The following EPHB2 variants were observed in gnomAD, a reference collection of about 807,000 sequenced individuals.
EPHB2 encodes the protein ephrin type-B receptor 2.
In EPHB2, 18 loss-of-function variants were observed where a neutral mutation model predicts 96.4. The observed-to-expected ratio is 0.19, with a 90% CI of 0.13 to 0.28. The LOEUF (loss-of-function observed/expected upper bound fraction) is 0.28, where lower values mean the gene tolerates loss of function less well. EPHB2 is among the 10% of genes least tolerant of loss of function. EPHB2 has a pLI of 1.00. For missense variants in EPHB2, 989 were observed against 1,355.4 expected (o/e 0.73, Z 4.25); for synonymous variants, 506 against 534.1 (o/e 0.95, Z 0.72).
intron 5 of EPHB2, among the ~76,000 whole-genome samples, chr1:22,868,476 C>T (rs898916355): frequency 6.6e-6 from 1 of 152,260 alleles, no homozygotes; most frequent in Admixed American, 6.5e-5. Context: ...TTTATTTTCT[C>T]ACTCACTAGT....
intron 3 of EPHB2, among the ~76,000 whole-genome samples, chr1:22,805,880 C>T (rs563754906): frequency 9.2e-5 from 14 of 152,248 alleles, no homozygotes; most frequent in African/African-American, 2.9e-4. Context: ...GGTGGGAGGC[C>T]GAGCCCATTT....
chr1:22,865,105 T>C lies in EPHB2; in HGVS notation c.1196T>C (p.Leu399Pro). The change falls in exon 5 of 16, where the codon CTG becomes CCG. Residue 399 changes from leucine to proline, a missense_variant. Transcript: ENST00000374630. ...TEPRIYISDL[L>P]AHTQYTFEIQ... is the part of the protein sequence containing the mutation. ...CCACGCATTTACATCAGTGACCTGC[T>C]GGCCCACACCCAGTACACCTTCGAG... is the stretch of plus-strand genomic sequence containing the variant. The C allele has an allele frequency of 1.2e-6, 2 of 1,614,244 alleles. No homozygotes were observed. The highest frequency in any genetic ancestry group is 4.5e-5 in the East Asian group (2 of 44,894).
At chr1:22,766,669 G>A (rs928703447) in intron 1 of EPHB2, among the ~76,000 whole-genome samples, 1 of 152,166 alleles carries the variant, frequency 6.6e-6, no homozygotes, top group African/African-American at 2.4e-5. Context: ...ATCAGCCTGA[G>A]GGGACCACCC....
At chr1:22,832,356 G>A (rs1041696840) in intron 3 of EPHB2, among the ~76,000 whole-genome samples, 1 of 152,174 alleles carries the variant, frequency 6.6e-6, no homozygotes, top group African/African-American at 2.4e-5. Context: ...AATGGTGGCT[G>A]TTGCCAATGC....
chr1:22,841,916 C>T (rs537021383), intron 3 of EPHB2, among the ~76,000 whole-genome samples: 11 of 152,276 alleles, frequency 7.2e-5, no homozygotes, highest in Admixed American at 5.9e-4. Context: ...TGGCCTCTCT[C>T]AGCATGAGCT....
chr1:22,857,149 G>A (rs575190789), intron 3 of EPHB2, among the ~76,000 whole-genome samples: 1 of 152,298 alleles, frequency 6.6e-6, no homozygotes, highest in Non-Finnish European at 1.5e-5. Context: ...AGAGCCGACT[G>A]TGCACATTCT....
chr1:22,860,359 T>C lies in EPHB2; in HGVS notation c.812-2678T>C, dbSNP rs1340557256. On this transcript the variant is annotated intron_variant, in intron 3 of 15. Transcript: ENST00000374630. The surrounding 1 kb of genome is among the most constrained non-coding windows in gnomAD (Gnocchi z 4.6). ...TGTGGGGGGACAGGGTGGAGAGTGA[T>C]GCCACTTCCCAGGGCAGAGAAGAGT... Among the ~76,000 whole-genome samples the C allele has an allele frequency of 5.9e-5, 9 of 152,078 alleles. No individual in the cohort carries two copies. The highest frequency in any genetic ancestry group is 5.9e-4 in the Admixed American group (9 of 15,266).
chr1:22,765,117 CTGGGAA>C (rs1644289453), intron 1 of EPHB2, among the ~76,000 whole-genome samples: 1 of 152,130 alleles, frequency 6.6e-6, no homozygotes, highest in Non-Finnish European at 1.5e-5. Flanking sequence ...GCCGGACATT[CTGGGAA>C]CCAATTCTGG....
chr1:22,900,438 C>T (rs1048096022), intron 9 of EPHB2, among the ~76,000 whole-genome samples: 1 of 152,140 alleles, frequency 6.6e-6, no homozygotes, highest in African/African-American at 2.4e-5. Flanking sequence ...TGTATTTATT[C>T]ATTTGATCCT....
At chr1:22,896,595 G>A in intron 9 of EPHB2, 117 bp downstream of exon 9, 4 of 1,364,678 alleles carry the variant, frequency 2.9e-6, no homozygotes, top group Non-Finnish European at 1.0e-6. Flanking sequence ...AATGTCAAGT[G>A]GTTGCCTGGT....
chr1:22,913,958 G>C lies in EPHB2; in HGVS notation c.*388G>C. ...TCCCTCTGGGAAGGTGACCTGGCCA[G>C]AGCCAAGAAACACTTTCAGAAAAAC... On this transcript the variant is annotated 3_prime_UTR_variant, in exon 16 of 16. Transcript: ENST00000374630. The surrounding 1 kb of genome is among the most constrained non-coding windows in gnomAD (Gnocchi z 4.1). The C allele has an allele frequency of 6.9e-7, 1 of 1,453,086 alleles. No homozygotes were observed. The highest frequency in any genetic ancestry group is 1.5e-5 in the South Asian group (1 of 66,732). The allele number at this position is 1,453,086 out of a possible 1,614,324, so 90.0% of individuals were successfully genotyped here.
chr1:22,727,492 A>C, intron 1 of EPHB2, among the ~76,000 whole-genome samples: 1 of 152,198 alleles, frequency 6.6e-6, no homozygotes, highest in East Asian at 1.9e-4. Flanking sequence ...GCTGGGCCTC[A>C]GCTCTTCCAT....
At chr1:22,830,123 C>T (rs894403013) in intron 3 of EPHB2, among the ~76,000 whole-genome samples, 3 of 152,190 alleles carry the variant, frequency 2.0e-5, no homozygotes, top group African/African-American at 4.8e-5. Context: ...CTGCAAATTC[C>T]TTCCCAGGAC....
intron 1 of EPHB2, among the ~76,000 whole-genome samples, chr1:22,780,812 A>C (rs1261318109): frequency 6.6e-6 from 1 of 152,170 alleles, no homozygotes; most frequent in Non-Finnish European, 1.5e-5. Context: ...AGACTGGCCT[A>C]GAGGTAGAGC....
At chr1:22,797,323 G>C (rs1041656607) in intron 3 of EPHB2, among the ~76,000 whole-genome samples, 3 of 152,192 alleles carry the variant, frequency 2.0e-5, no homozygotes, top group African/African-American at 7.2e-5. Context: ...AGACATGGAC[G>C]TAATGTCCCA....
At position 22,910,406 on chromosome 1, in the gene EPHB2, T is replaced by C. The variant is rs766835462; in HGVS notation, c.2527T>C (p.Tyr843His). 6.2e-7 allele frequency: 1 copy of C among 1,614,180 alleles called. No homozygotes were observed. Among genetic ancestry groups the C allele is most frequent in the Non-Finnish European group, 8.5e-7 (1 of 1,180,012 alleles). ...QDVINAIEQD[Y>H]RLPPPMDCPS... ...GGTAATCAATGCCATTGAGCAGGAC[T>C]ATCGGCTGCCACCGCCCATGGACTG... The change falls in exon 14 of 16, where the codon TAT (tyrosine) becomes CAT (histidine). Residue 843 changes from tyrosine (Y) to histidine (H), a missense_variant. Coordinates refer to ENST00000374630, the MANE Select transcript of EPHB2 (RefSeq NM_017449.5).
chr1:22,793,913 A>C (rs1122210), intron 3 of EPHB2, among the ~76,000 whole-genome samples: 1 of 151,572 alleles, frequency 6.6e-6, no homozygotes, highest in Non-Finnish European at 1.5e-5. Context: ...CAACTTATTA[A>C]CCTGAAGAGA....
intron 1 of EPHB2, among the ~76,000 whole-genome samples, chr1:22,749,348 G>A (rs1237924587): frequency 6.6e-6 from 1 of 152,110 alleles, no homozygotes; most frequent in African/African-American, 2.4e-5. Context: ...TTTGCTTTTG[G>A]CCAGCATGTT....
chr1:22,892,851 A>G lies in EPHB2; in HGVS notation c.1429-33A>G, dbSNP rs2746331. The G allele has an allele frequency of 0.017, 28,227 of 1,614,066 alleles. 3,586 individuals are homozygous for G. In the African/African-American group the frequency reaches 0.3, roughly 17 times the overall value. On this transcript the variant is annotated intron_variant, in intron 6 of 15. Transcript: ENST00000374630. ...GGCTCTGGACCCACTATGAGCCACA[A>G]CCTCACTAATTTTCTTCTCTGTTCC... is the stretch of plus-strand genomic sequence containing the variant.
Sources: allele counts gnomAD v4.1 joint callset (sites outside exome capture counted in the v4.1 genomes callset), GRCh38; gene constraint gnomAD v4.1.1; non-coding constraint Gnocchi (gnomAD v3.1); transcripts MANE v1.5; gene names NCBI Gene and HGNC (gene_info 2026-07-23, HGNC 2026-07-21).